Variants in DMXL2 observed in about 807,000 individuals in gnomAD.
The protein encoded by DMXL2 is Dmx like 2, also known as dmX-like protein 2.
Under a neutral mutation model 331.1 loss-of-function variants are expected in DMXL2, and 103 were observed. The observed-to-expected ratio is 0.31, with a 90% confidence interval of 0.27 to 0.37. The LOEUF is 0.37. Ranked by LOEUF, DMXL2 falls within the 10% of genes least tolerant of loss-of-function variation. The pLI, the probability that DMXL2 is intolerant of heterozygous loss-of-function variation, is 1.00. For synonymous variants in DMXL2, 1,281 were observed against 1,252.1 expected, an observed-to-expected ratio of 1.02 and a Z score of -0.49; for missense variants, 3,171 against 3,642.9, an observed-to-expected ratio of 0.87 and a Z score of 3.33.
In DMXL2 at chr15:51,520,050, T is replaced by C. The variant is rs75177666; in HGVS notation, c.2437-2883A>G. Among the ~76,000 whole-genome samples, 205 of 152,326 alleles carry C rather than the reference T, an allele frequency of 1.3e-3. 1 individual carries two copies. The highest frequency in any genetic ancestry group is 4.8e-3 in the African/African-American group (201 of 41,578). ...ACAAATTTTTTCACAATCTAACCTCTAACTTCCTATCCAGTCTCAGCTATT... is the reference window on the plus strand; with the variant it reads ...ACAAATTTTTTCACAATCTAACCTCCAACTTCCTATCCAGTCTCAGCTATT... On this transcript the variant is annotated intron_variant, in intron 13 of 43. Transcript: ENST00000560891.
At chr15:51,617,564 T>G (rs1480953477) in intron 1 of DMXL2, among the ~76,000 whole-genome samples, 1 of 152,170 alleles carries the variant, frequency 6.6e-6, no homozygotes, top group Non-Finnish European at 1.5e-5. Context: ...TAAATACAAG[T>G]GAGAAGCAAT....
chr15:51,496,256 T>C (rs1338010675), intron 18 of DMXL2, among the ~76,000 whole-genome samples: 5 of 152,124 alleles, frequency 3.3e-5, no homozygotes, highest in Non-Finnish European at 7.4e-5. Context: ...GGGATCATAT[T>C]TTAGGAGGTA....
Position 51,476,574 on chromosome 15 carries a change from C to A in DMXL2, c.6964+15G>T. 6.3e-7 allele frequency: 1 copy of A among 1,582,742 alleles called. No individual in the cohort carries two copies. Among genetic ancestry groups the A allele is most frequent in the South Asian group, 1.2e-5 (1 of 84,180 alleles). Reference sequence around the variant, plus strand: ...AACTAGAAGATTTTTTTTTTTTAATCATTTAAATTCTCACCAGGCCATTGA... The same window carrying A: ...AACTAGAAGATTTTTTTTTTTTAATAATTTAAATTCTCACCAGGCCATTGA... On this transcript the variant is annotated intron_variant, in intron 27 of 43. Coordinates refer to ENST00000560891, the MANE Select transcript of DMXL2 (RefSeq NM_001378457.1).
chr15:51,601,592 C>A (rs1055836219), intron 1 of DMXL2, among the ~76,000 whole-genome samples: 2 of 152,178 alleles, frequency 1.3e-5, no homozygotes, highest in African/African-American at 4.8e-5. Flanking sequence ...ATGTGTGGGT[C>A]TCTTTCTGGT....
chr15:51,457,336 CTCCAGTGCTAGTCTG>C lies in DMXL2; in HGVS notation c.8314_8328del (p.Gln2772_Gly2776del). 1 of 1,613,508 alleles carries C rather than the reference CTCCAGTGCTAGTCTG, an allele frequency of 6.2e-7. No individual in the cohort carries two copies. The highest frequency in any genetic ancestry group is 8.5e-7 in the Non-Finnish European group (1 of 1,179,824). ...ATAAGTAAATAACATACCACACTAGCTCCAGTGCTAGTCTGTCCAGTGCCCAGCCATGGCAGAGAT... is the reference window on the plus strand; with the variant it reads ...ATAAGTAAATAACATACCACACTAGCTCCAGTGCCCAGCCATGGCAGAGAT... On this transcript the variant is annotated inframe_deletion, in exon 37 of 44. Coordinates refer to ENST00000560891, the MANE Select transcript of DMXL2 (RefSeq NM_001378457.1).
chr15:51,450,000 G>T, intron 43 of DMXL2, 129 bp downstream of exon 43: 2 of 786,840 alleles, frequency 2.5e-6, no homozygotes, highest in Non-Finnish European at 4.1e-6. Context: ...AGAGTGTTGA[G>T]ATATGCAGTA....
At position 51,456,089 on chromosome 15, in the gene DMXL2, A is replaced by G; in HGVS notation, c.8503T>C (p.Tyr2835His). ...ACCTTGTTGCCTTGTGAATTAAAATATAATCTAGTAACTCTTGCATTGCCA... is the reference window on the plus strand; with the variant it reads ...ACCTTGTTGCCTTGTGAATTAAAATGTAATCTAGTAACTCTTGCATTGCCA... ...QAGNARVTRL[Y>H]FNSQGNKCGV... The change falls in exon 39 of 44, where the codon TAT (tyrosine) becomes CAT (histidine). Residue 2835 changes from tyrosine to histidine, a missense_variant. By Grantham distance (83) the Tyr-to-His change is moderately conservative. Transcript: ENST00000560891. The G allele has an allele frequency of 6.2e-7, 1 of 1,614,232 alleles. No individual in the cohort carries two copies. Among genetic ancestry groups the G allele is most frequent in the Non-Finnish European group, 8.5e-7 (1 of 1,180,046 alleles).
chr15:51,603,863 G>A lies in DMXL2; in HGVS notation c.87+18596C>T, dbSNP rs562530326. Reference sequence around the variant, plus strand: ...AGCCTGGGTGACACAGTGAGACTCCGTCTGAAAAAAAAAAAGAAAAGGACA... The same window carrying A: ...AGCCTGGGTGACACAGTGAGACTCCATCTGAAAAAAAAAAAGAAAAGGACA... On this transcript the variant is annotated intron_variant, in intron 1 of 43. Coordinates refer to ENST00000560891, the MANE Select transcript of DMXL2 (RefSeq NM_001378457.1). Among the ~76,000 whole-genome samples the A allele has an allele frequency of 6.0e-5, 9 of 150,114 alleles. 1 individual carries two copies. The South Asian group carries it at 1.7e-3, about 28-fold the overall frequency.
At position 51,557,847 on chromosome 15, in the gene DMXL2, T is replaced by C. The variant is rs141720952; in HGVS notation, c.567+5534A>G. ...AGGAAAAAATAAAACTTGACCTTCTTCAAATCACATCTAAACATTATTTCA... is the reference window on the plus strand; with the variant it reads ...AGGAAAAAATAAAACTTGACCTTCTCCAAATCACATCTAAACATTATTTCA... On this transcript the variant is annotated intron_variant, in intron 6 of 43. Coordinates refer to ENST00000560891, the MANE Select transcript of DMXL2 (RefSeq NM_001378457.1). 5.9e-3 allele frequency among the ~76,000 whole-genome samples: 901 copies of C among 152,358 alleles called. 2 individuals carry two copies. Among genetic ancestry groups the C allele is most frequent in the Non-Finnish European group, 9.0e-3 (613 of 68,034 alleles).
rs1302330160 is a variant in DMXL2, at chr15:51,476,616, G to T, written c.6937C>A (p.Pro2313Thr). The T allele has an allele frequency of 3.7e-6, 6 of 1,610,430 alleles. No homozygotes were observed. Among genetic ancestry groups the T allele is most frequent in the Non-Finnish European group, 5.1e-6 (6 of 1,178,830 alleles). The change falls in exon 27 of 44, where the codon CCA becomes ACA. Residue 2313 changes from proline to threonine, a missense_variant. Coordinates refer to ENST00000560891, the MANE Select transcript of DMXL2 (RefSeq NM_001378457.1). ...GGCCATTGAGCAGGAGATGAATTTG[G>T]TGTTGCGTGTTCTTCAATGCTTTCT... ...RTESIEEHAT[P>T]NSSPAQWPGV...
chr15:51,517,032 T>C, intron 14 of DMXL2, 46 bp downstream of exon 14: 2 of 1,437,858 alleles, frequency 1.4e-6, no homozygotes, highest in Non-Finnish European at 2.0e-6. Context: ...TAAAACACCA[T>C]GGGATAAAGT....
At position 51,537,672 on chromosome 15, in the gene DMXL2, G is replaced by A. The variant is rs1173600032; in HGVS notation, c.1433C>T (p.Ser478Leu). The change falls in exon 11 of 44, where the codon TCA (serine) becomes TTA (leucine). Residue 478 changes from serine (S) to leucine (L), a missense_variant. Physicochemically the swap from Ser to Leu is moderately radical, Grantham distance 145. Around this residue, in one of 7 missense-constraint regions of DMXL2, gnomAD observed 1,674 missense variants for 1,780.2 expected, o/e 0.94. Transcript: ENST00000560891. Reference sequence around the variant, plus strand: ...CAGTGGCATTGGTACACTAAGTCGTGAGTAAGTTCTAGGACTTCCTTCTCT... The same window carrying A: ...CAGTGGCATTGGTACACTAAGTCGTAAGTAAGTTCTAGGACTTCCTTCTCT... ...GEREGSPRTY[S>L]RLSVPMPLPT... 6.2e-7 allele frequency: 1 copy of A among 1,613,738 alleles called. No individual in the cohort carries two copies. The highest frequency in any genetic ancestry group is 8.5e-7 in the Non-Finnish European group (1 of 1,179,902).
At chr15:51,619,621 T>C (rs747771222) in intron 1 of DMXL2, among the ~76,000 whole-genome samples, 10 of 152,238 alleles carry the variant, frequency 6.6e-5, no homozygotes, top group Non-Finnish European at 1.0e-4. Context: ...ATTATTACAC[T>C]GTCATAAACT....
chr15:51,478,425 T>A (rs2041755549), intron 25 of DMXL2, 78 bp from the exon 26 acceptor site: 1 of 1,278,228 alleles, frequency 7.8e-7, no homozygotes, highest in Non-Finnish European at 1.1e-6. Flanking sequence ...TTAGAAAACA[T>A]CCAGGAAACC....
intron 19 of DMXL2, among the ~76,000 whole-genome samples, chr15:51,492,488 G>T (rs1567023152): frequency 6.7e-6 from 1 of 150,360 alleles, no homozygotes; most frequent in Non-Finnish European, 1.5e-5. Flanking sequence ...TTTTGTTTTG[G>T]GTTTGTTTGT....
chr15:51,516,988 A>T (rs1448831274), intron 14 of DMXL2, 90 bp downstream of exon 14: 1 of 1,017,344 alleles, frequency 9.8e-7, no homozygotes, highest in Non-Finnish European at 1.5e-6. Context: ...CAAACAAGAA[A>T]ATTATTCTGA....
rs568826736 is a variant in DMXL2 at position 51,578,532 on chromosome 15, T to C, written c.88-2351A>G. Among the ~76,000 whole-genome samples, 7 of 152,304 alleles carry C rather than the reference T, an allele frequency of 4.6e-5. No homozygotes were observed. The South Asian group carries it at 1.4e-3, about 32-fold the overall frequency. ...CATCAAAATCACCTAGGAAACCTGT[T>C]AGAAACACAGACTGCTCAGTCCCAC... On this transcript the variant is annotated intron_variant, in intron 1 of 43. Transcript: ENST00000560891.
At chr15:51,581,740 CATTTCCT>C (rs2051435498) in intron 1 of DMXL2, among the ~76,000 whole-genome samples, 1 of 152,242 alleles carries the variant, frequency 6.6e-6, no homozygotes, top group East Asian at 1.9e-4. Context: ...AACATGACCA[CATTTCCT>C]ATGAAACTAT....
At chr15:51,622,025 TCCGAGACCAACA>T (rs1415630020) in intron 1 of DMXL2, among the ~76,000 whole-genome samples, 1 of 146,456 alleles carries the variant, frequency 6.8e-6, no homozygotes, top group African/African-American at 2.5e-5. Context: ...GCCTCCACGC[TCCGAGACCAACA>T]CCAAGTCTCT....
Sources: gnomAD v4.1 joint callset for allele counts (sites outside exome capture counted in the v4.1 genomes callset) on GRCh38, gnomAD v4.1.1 for gene constraint, gnomAD v4.1.1 regional missense constraint, MANE v1.5 for transcripts, NCBI Gene and HGNC (gene_info 2026-07-23, HGNC 2026-07-21) for gene names.